The following PCDH15 variants were observed in gnomAD, a reference collection of about 807,000 sequenced individuals.
PCDH15 encodes protocadherin related 15.
A neutral mutation model predicts 178.5 loss-of-function variants in PCDH15; 129 were observed. The observed-to-expected ratio is 0.72, with a 90% CI of 0.63 to 0.84. PCDH15 has a LOEUF of 0.84. Ranked by LOEUF, PCDH15 falls within the 40% of genes least tolerant of loss-of-function variation. The pLI, the probability that PCDH15 is intolerant of heterozygous loss-of-function variation, is 0.00. For synonymous variants in PCDH15, 800 were observed against 732.0 expected (o/e 1.09, Z -1.50); for missense variants, 2,230 against 2,099.9 (o/e 1.06, Z -1.21).
At chr10:54,482,969 A>G (rs1322854222) in intron 3 of PCDH15, among the ~76,000 whole-genome samples, 1 of 151,850 alleles carries the variant, frequency 6.6e-6, no homozygotes, top group Non-Finnish European at 1.5e-5. Flanking sequence ...AAGCAGGTAT[A>G]TATCTACCAG....
At chr10:54,527,384 A>G (rs971764788) in intron 3 of PCDH15, among the ~76,000 whole-genome samples, 5 of 152,186 alleles carry the variant, frequency 3.3e-5, no homozygotes, top group East Asian at 3.9e-4. Context: ...AGTCACAATC[A>G]CCATGTCTAA....
At chr10:54,657,820 A>T (rs955564728) in intron 2 of PCDH15, among the ~76,000 whole-genome samples, 2 of 152,226 alleles carry the variant, frequency 1.3e-5, no homozygotes, top group Admixed American at 1.3e-4. Context: ...GACATCTCTA[A>T]AGGATTGTAC....
intron 2 of PCDH15, among the ~76,000 whole-genome samples, chr10:55,121,209 C>T (rs1242638275): frequency 9.9e-5 from 15 of 152,110 alleles, no homozygotes; most frequent in Admixed American, 9.8e-4. Flanking sequence ...ATTTTCAAAC[C>T]TTAAGATTTA....
At chr10:55,500,206 T>C (rs1249279732) in intron 2 of PCDH15, among the ~76,000 whole-genome samples, 2 of 151,684 alleles carry the variant, frequency 1.3e-5, no homozygotes, top group Admixed American at 1.3e-4. Flanking sequence ...AAGAATGTAT[T>C]AGGATGTATG....
chr10:53,964,406 A>ATTTTTATAAATTTTATTTATTCATAAAT (rs1479287525), intron 21 of PCDH15, among the ~76,000 whole-genome samples: 1 of 138,934 alleles, frequency 7.2e-6, no homozygotes, highest in Non-Finnish European at 1.7e-5. Flanking sequence ...TATTCATAAA[A>ATTTTTATAAATTTTATTTATTCATAAAT]TTTTTATAAA....
chr10:55,334,238 A>ATG (rs1342496492), intron 2 of PCDH15, among the ~76,000 whole-genome samples: 52 of 97,304 alleles, frequency 5.3e-4, no homozygotes, highest in Non-Finnish European at 7.7e-4. Flanking sequence ...ATATATATAT[A>ATG]TATATGTGTG....
intron 2 of PCDH15, among the ~76,000 whole-genome samples, chr10:55,614,547 T>A (rs529673011): frequency 6.6e-6 from 1 of 152,204 alleles, no homozygotes; most frequent in South Asian, 2.1e-4. Context: ...TTTTCTGTTA[T>A]AACAGAAATG....
intron 2 of PCDH15, among the ~76,000 whole-genome samples, chr10:54,618,264 A>C (rs1008105767): frequency 3.9e-5 from 6 of 152,150 alleles, no homozygotes; most frequent in African/African-American, 1.4e-4. Flanking sequence ...ATAAACATAC[A>C]TATCTTTCCT....
At chr10:54,684,797 T>C (rs2094963437) in intron 1 of PCDH15, among the ~76,000 whole-genome samples, 1 of 117,052 alleles carries the variant, frequency 8.5e-6, no homozygotes, top group African/African-American at 2.8e-5. Flanking sequence ...AATCATTTGA[T>C]AGTGTTATTT....
At chr10:54,930,437 C>T (rs1213224990) in intron 2 of PCDH15, among the ~76,000 whole-genome samples, 1 of 152,180 alleles carries the variant, frequency 6.6e-6, no homozygotes, top group Admixed American at 6.6e-5. Flanking sequence ...CACTCCTAAA[C>T]CCACTTATTG....
At chr10:55,253,169 G>GA (rs1421653309) in intron 1 of PCDH15, among the ~76,000 whole-genome samples, 11 of 151,772 alleles carry the variant, frequency 7.2e-5, no homozygotes, top group Middle Eastern at 6.8e-3. Flanking sequence ...GAAAGACAAA[G>GA]ACAGAAACAG....
chr10:54,559,589 C>T (rs1040044398), intron 2 of PCDH15, among the ~76,000 whole-genome samples: 5 of 151,848 alleles, frequency 3.3e-5, no homozygotes, highest in African/African-American at 1.2e-4. Context: ...TACAGGAATA[C>T]AGTATATGAT....
intron 3 of PCDH15, among the ~76,000 whole-genome samples, chr10:54,434,027 G>GA (rs2075207962): frequency 6.6e-6 from 1 of 152,126 alleles, no homozygotes; most frequent in Non-Finnish European, 1.5e-5. Flanking sequence ...CACATCTTGT[G>GA]TAGCCCTAGG....
chr10:54,857,626 T>C (rs1953763802), intron 3 of PCDH15, among the ~76,000 whole-genome samples: 1 of 151,500 alleles, frequency 6.6e-6, no homozygotes, highest in South Asian at 2.1e-4. Flanking sequence ...TTTTTTCTTT[T>C]TTTTTTTTTA....
At position 53,933,784 on chromosome 10, in the gene PCDH15, C is replaced by A. The variant is rs200561583; in HGVS notation, c.3373+5031G>T. The stretch of plus-strand genomic sequence containing the variant: ...ACAGTGGTTGAACTAGCTTACAGTC[C>A]CACCAACAGTGTAAAAGTGTTCCTA... On this transcript the variant is annotated intron_variant, in intron 25 of 37. Transcript: ENST00000644397. Among the ~76,000 whole-genome samples the A allele has an allele frequency of 1.1e-4, 16 of 152,200 alleles. No individual in the cohort carries two copies. In the East Asian group the frequency reaches 3.1e-3, roughly 30 times the overall value.
chr10:54,731,348 A>C (rs1207689803), intron 1 of PCDH15, among the ~76,000 whole-genome samples: 1 of 150,734 alleles, frequency 6.6e-6, no homozygotes, highest in African/African-American at 2.4e-5. Context: ...TATGAAAAAA[A>C]GTATGACAGT....
At chr10:55,538,989 T>C (rs866847594) in intron 2 of PCDH15, among the ~76,000 whole-genome samples, 13 of 107,652 alleles carry the variant, frequency 1.2e-4, no homozygotes, top group East Asian at 9.9e-4. Flanking sequence ...CCTTCCTTCC[T>C]TCCTCCTTTC....
chr10:54,225,858 T>C (rs2053380143), intron 9 of PCDH15, among the ~76,000 whole-genome samples: 1 of 152,218 alleles, frequency 6.6e-6, no homozygotes, highest in Non-Finnish European at 1.5e-5. Context: ...ATGCTTTATA[T>C]ACTGACTGAC....
At chr10:54,335,187 G>A (rs1940812891) in intron 6 of PCDH15, among the ~76,000 whole-genome samples, 1 of 152,150 alleles carries the variant, frequency 6.6e-6, no homozygotes, top group Non-Finnish European at 1.5e-5. Flanking sequence ...ATTTGAGCAG[G>A]CAACATTAAC....
Sources: gnomAD v4.1 joint callset for allele counts (sites outside exome capture counted in the v4.1 genomes callset) on GRCh38, gnomAD v4.1.1 for gene constraint, MANE v1.5 for transcripts, NCBI Gene and HGNC (gene_info 2026-07-23, HGNC 2026-07-21) for gene names.